MORC3: variants seen among roughly 807,000 people sequenced by gnomAD.
The protein encoded by MORC3 is MORC family CW-type zinc finger protein 3.
A neutral mutation model predicts 109.1 loss-of-function variants in MORC3; 31 were observed. The ratio of observed to expected loss-of-function variants is 0.28; its 90% CI spans 0.21 to 0.38. The LOEUF (loss-of-function observed/expected upper bound fraction) is 0.38, where lower values mean the gene tolerates loss of function less well. Ranked by LOEUF, MORC3 falls within the 10% of genes least tolerant of loss-of-function variation. MORC3 has a pLI of 1.00. For synonymous variants in MORC3, 395 were observed against 380.7 expected (o/e 1.04, Z -0.44); for missense variants, 867 against 1,135.8 (o/e 0.76, Z 3.40).
At chr21:36,330,913 A>G (rs2085307720) in intron 1 of MORC3, among the ~76,000 whole-genome samples, 1 of 152,072 alleles carries the variant, frequency 6.6e-6, no homozygotes, top group South Asian at 2.1e-4. Context: ...AGTTACCTAT[A>G]CTCCATATTT....
chr21:36,358,688 TTTTG>T (rs2085675622), intron 10 of MORC3, among the ~76,000 whole-genome samples: 1 of 152,170 alleles, frequency 6.6e-6, no homozygotes, highest in Non-Finnish European at 1.5e-5. Flanking sequence ...TTTCTTTTTT[TTTTG>T]TTTTTGAGGT....
chr21:36,338,938 A>T lies in MORC3; in HGVS notation c.608+17A>T, dbSNP rs767649330. ...TCTTAGAAGGTAAACGTGGACATAG[A>T]TGTTGACCGTTTGGGAAGTAAAGTG... On this transcript the variant is annotated intron_variant, in intron 5 of 16. Coordinates refer to ENST00000400485, the MANE Select transcript of MORC3 (RefSeq NM_015358.3). The T allele has an allele frequency of 6.2e-7, 1 of 1,611,966 alleles. No individual in the cohort carries two copies.
chr21:36,341,609 G>A (rs1324869128), intron 6 of MORC3, 63 bp downstream of exon 6: 1 of 1,594,422 alleles, frequency 6.3e-7, no homozygotes, highest in Non-Finnish European at 8.5e-7. Context: ...TATTAGGAGA[G>A]GTCATGTTAC....
intron 14 of MORC3, among the ~76,000 whole-genome samples, chr21:36,365,000 C>T (rs923662453): frequency 9.5e-5 from 13 of 136,172 alleles, no homozygotes; most frequent in African/African-American, 2.0e-4. Context: ...TGCAGTGAGC[C>T]GAGATCACGC....
At chr21:36,353,755 A>ATTT (rs1202729285) in intron 9 of MORC3, among the ~76,000 whole-genome samples, 9 of 71,000 alleles carry the variant, frequency 1.3e-4, no homozygotes, top group African/African-American at 2.7e-4. Flanking sequence ...TAATTTTTGT[A>ATTT]TTTTTTTTTT....
intron 1 of MORC3, chr21:36,333,301 T>A (rs1317074657): frequency 4.6e-6 from 1 of 216,220 alleles, no homozygotes; most frequent in African/African-American, 2.3e-5. Flanking sequence ...AATAGAGAAA[T>A]TAGGAAATGG....
At chr21:36,331,681 G>A (rs1031232345) in intron 1 of MORC3, among the ~76,000 whole-genome samples, 7 of 152,232 alleles carry the variant, frequency 4.6e-5, no homozygotes, top group African/African-American at 1.7e-4. Context: ...GAACTTAAGA[G>A]AGTTCCCAAT....
At chr21:36,325,222 A>G (rs1013377868) in intron 1 of MORC3, among the ~76,000 whole-genome samples, 1 of 152,210 alleles carries the variant, frequency 6.6e-6, no homozygotes, top group African/African-American at 2.4e-5. Context: ...TTAAAAAGTA[A>G]TTTTAAAAAA....
At chr21:36,370,948 C>T (rs369778980) in intron 15 of MORC3, among the ~76,000 whole-genome samples, 9 of 152,142 alleles carry the variant, frequency 5.9e-5, no homozygotes, top group Middle Eastern at 3.4e-3. Flanking sequence ...GAATTACAGG[C>T]GTGAGCCCCC....
intron 8 of MORC3, among the ~76,000 whole-genome samples, chr21:36,348,833 A>G (rs539146494): frequency 6.6e-6 from 1 of 152,306 alleles, no homozygotes; most frequent in South Asian, 2.1e-4. Flanking sequence ...CCAGGAATAT[A>G]AATCACCTAC....
At chr21:36,342,168 C>T (rs759353351) in intron 6 of MORC3, among the ~76,000 whole-genome samples, 21 of 152,018 alleles carry the variant, frequency 1.4e-4, no homozygotes, top group Non-Finnish European at 1.8e-4. Flanking sequence ...TGGGGCAGTG[C>T]GGTTCACGGA....
chr21:36,363,091 T>C (rs2085738928), intron 13 of MORC3, among the ~76,000 whole-genome samples: 1 of 152,128 alleles, frequency 6.6e-6, no homozygotes. Flanking sequence ...TCTCCTAGGC[T>C]TACCGTAGAG....
intron 1 of MORC3, among the ~76,000 whole-genome samples, chr21:36,326,231 A>T (rs532611873): frequency 6.6e-6 from 1 of 151,786 alleles, no homozygotes; most frequent in South Asian, 2.1e-4. Context: ...AGAATAAATT[A>T]TTGTTAATTT....
Position 36,341,278 on chromosome 21 carries a change from C to T in MORC3, c.609-121C>T, listed in dbSNP as rs543252786. The T allele has an allele frequency of 3.6e-4, 316 of 876,568 alleles. 4 individuals are homozygous for T. In the South Asian group the frequency reaches 5.7e-3, roughly 16 times the overall value. 54.3% of individuals were successfully genotyped at this position (876,568 alleles called of 1,614,324 possible). ...TCTTGCCTTTGCACCCCCAACCCCC[C>T]ACTGACGTGCACCATGTGTAGGTTT... On this transcript the variant is annotated intron_variant, in intron 5 of 16. Coordinates refer to ENST00000400485, the MANE Select transcript of MORC3 (RefSeq NM_015358.3).
intron 10 of MORC3, 67 bp from the exon 11 acceptor site, chr21:36,359,888 G>A: frequency 1.3e-6 from 2 of 1,569,888 alleles, no homozygotes; most frequent in South Asian, 2.2e-5. Context: ...GAAATGATGT[G>A]GAACATCTGA....
intron 8 of MORC3, chr21:36,347,813 A>G (rs564576161): frequency 6.6e-6 from 1 of 152,376 alleles, no homozygotes; most frequent in Admixed American, 6.5e-5. Context: ...TTCTGAGAGT[A>G]TGACATCATA....
rs538262879 is a variant in MORC3 at position 36,356,189 on chromosome 21, C to T, written c.1104-431C>T. 6.7e-4 allele frequency among the ~76,000 whole-genome samples: 102 copies of T among 152,226 alleles called. 1 individual carries two copies. In the South Asian group the frequency reaches 0.013, roughly 19 times the overall value. On this transcript the variant is annotated intron_variant, in intron 9 of 16. Transcript: ENST00000400485. ...AGACTGCATCTTTGTTTACATTTCT[C>T]TTGACTGCAAATGAAACCACCTACA...
chr21:36,366,810 A>G (rs766281847), intron 14 of MORC3, among the ~76,000 whole-genome samples: 43 of 152,364 alleles, frequency 2.8e-4, no homozygotes, highest in Non-Finnish European at 5.1e-4. Context: ...GTTTGTGGAA[A>G]GGGTGTATCT....
intron 2 of MORC3, among the ~76,000 whole-genome samples, chr21:36,335,073 C>T (rs1050065555): frequency 6.6e-6 from 1 of 152,052 alleles, no homozygotes; most frequent in Non-Finnish European, 1.5e-5. Flanking sequence ...AAGGCTGCAG[C>T]AGAGTGAGTC....
Sources: allele counts gnomAD v4.1 joint callset (sites outside exome capture counted in the v4.1 genomes callset), GRCh38; gene constraint gnomAD v4.1.1; transcripts MANE v1.5; gene names NCBI Gene and HGNC (gene_info 2026-07-23, HGNC 2026-07-21).